The following KCNK10 variants were observed in gnomAD, a reference collection of about 807,000 sequenced individuals.
The protein encoded by KCNK10 is potassium two pore domain channel subfamily K member 10.
KCNK10 carries 25 observed loss-of-function variants against 47.7 expected under a neutral mutation model. The ratio of observed to expected loss-of-function variants is 0.52; its 90% CI spans 0.38 to 0.73. KCNK10 has a LOEUF of 0.73. Ranked by LOEUF, KCNK10 falls within the 30% of genes least tolerant of loss-of-function variation. The pLI, the probability that KCNK10 is intolerant of heterozygous loss-of-function variation, is 0.00. For missense variants in KCNK10, 563 were observed against 714.5 expected, an observed-to-expected ratio of 0.79 and a Z score of 2.42; for synonymous variants, 303 against 285.6, an observed-to-expected ratio of 1.06 and a Z score of -0.61.
Position 88,181,562 on chromosome 14 carries a change from A to C in KCNK10, c.*3973T>G, listed in dbSNP as rs1595064793. The stretch of plus-strand genomic sequence containing the variant: ...AACTAGTCTTAACACCATGCAAAAA[A>C]TGCCCTCACAGCATGAGCCCTCCCG... On this transcript the variant is annotated 3_prime_UTR_variant, in exon 7 of 7. Transcript: ENST00000319231. 1 of 152,240 alleles carries C rather than the reference A, an allele frequency of 6.6e-6. No homozygotes were observed. Among genetic ancestry groups the C allele is most frequent in the East Asian group, 1.9e-4 (1 of 5,328 alleles). The allele number at this position is 152,240 out of a possible 1,614,324, so 9.4% of individuals were successfully genotyped here. A position where few individuals can be genotyped will look rare whatever the true frequency, so the allele number is the denominator to read the frequency against.
chr14:88,211,992 A>T (rs1009446005), intron 4 of KCNK10, among the ~76,000 whole-genome samples: 33 of 151,860 alleles, frequency 2.2e-4, no homozygotes, highest in Admixed American at 2.0e-3. Flanking sequence ...ATGGAAATTG[A>T]TGCTAACTTG....
chr14:88,197,009 G>A (rs1337338207), intron 4 of KCNK10, among the ~76,000 whole-genome samples: 4 of 152,198 alleles, frequency 2.6e-5, no homozygotes, highest in African/African-American at 9.7e-5. Context: ...GCACACATCA[G>A]TGAGAATAGT....
intron 1 of KCNK10, among the ~76,000 whole-genome samples, chr14:88,298,875 C>T (rs533961105): frequency 6.6e-5 from 10 of 152,280 alleles, no homozygotes; most frequent in African/African-American, 1.2e-4. Flanking sequence ...CACCAAACAA[C>T]GGAGACTTGC....
intron 1 of KCNK10, among the ~76,000 whole-genome samples, chr14:88,313,405 G>A (rs550455496): frequency 1.8e-4 from 28 of 152,278 alleles, no homozygotes; most frequent in South Asian, 6.2e-4. Context: ...TGAAAAGAAC[G>A]TGGTGGTGGT....
At chr14:88,274,559 A>AAAAAAAAAAAAAAAAAAAAAAAT in intron 1 of KCNK10, among the ~76,000 whole-genome samples, 1 of 149,682 alleles carries the variant, frequency 6.7e-6, no homozygotes. Context: ...TAAAAAAAAA[A>AAAAAAAAAAAAAAAAAAAAAAAT]AAAAAAAGAT....
chr14:88,297,021 C>A (rs1177388451), intron 1 of KCNK10, among the ~76,000 whole-genome samples: 1 of 152,100 alleles, frequency 6.6e-6, no homozygotes, highest in Admixed American at 6.6e-5. Flanking sequence ...TTCAAAAATG[C>A]ATCTAAGAAT....
chr14:88,183,856 GAC>G lies in KCNK10; in HGVS notation c.*1677_*1678del, dbSNP rs1403201530. On this transcript the variant is annotated 3_prime_UTR_variant, in exon 7 of 7. Transcript: ENST00000319231. ...TTTCCCTGGAGGTCAGAAAGCATGA[GAC>G]AGTTTCTGGAAGTCTCCGCTAGTGC... is the stretch of plus-strand genomic sequence containing the variant. 6.6e-6 allele frequency: 1 copy of G among 152,358 alleles called. No individual in the cohort carries two copies. Among genetic ancestry groups the G allele is most frequent in the Admixed American group, 6.5e-5 (1 of 15,294 alleles). 9.4% of individuals were successfully genotyped at this position (152,358 alleles called of 1,614,324 possible).
intron 1 of KCNK10, among the ~76,000 whole-genome samples, chr14:88,280,121 T>A (rs930639150): frequency 7.9e-5 from 12 of 152,112 alleles, no homozygotes; most frequent in African/African-American, 2.7e-4. Context: ...CTGCATAAAA[T>A]CTACTGGTCT....
intron 1 of KCNK10, among the ~76,000 whole-genome samples, chr14:88,303,248 G>GT (rs1486799936): frequency 6.6e-6 from 1 of 152,148 alleles, no homozygotes; most frequent in Non-Finnish European, 1.5e-5. Context: ...CAGTGAGAAC[G>GT]TAACTCTCTT....
intron 1 of KCNK10, chr14:88,270,705 G>A: frequency 1.3e-6 from 1 of 780,966 alleles, no homozygotes; most frequent in Non-Finnish European, 2.4e-6. Flanking sequence ...GTGCTTTCCT[G>A]TCCCCTTAGT....
chr14:88,271,247 T>C (rs1366032419), intron 1 of KCNK10, among the ~76,000 whole-genome samples: 5 of 152,242 alleles, frequency 3.3e-5, no homozygotes, highest in Admixed American at 3.3e-4. Flanking sequence ...TGGTTACAGT[T>C]TGTTTCATTC....
intron 3 of KCNK10, among the ~76,000 whole-genome samples, chr14:88,234,323 T>A (rs375170105): frequency 7.2e-5 from 11 of 152,374 alleles, no homozygotes; most frequent in African/African-American, 2.4e-4. Flanking sequence ...TTTGCAAGTG[T>A]AAACCTAGCA....
intron 3 of KCNK10, among the ~76,000 whole-genome samples, chr14:88,232,738 GAAGTGGACT>G (rs1886190345): frequency 6.6e-6 from 1 of 152,246 alleles, no homozygotes. Flanking sequence ...CAATGATACT[GAAGTGGACT>G]TTGCATTTTA....
In KCNK10 at chr14:88,182,036, GCACACACACACACACACACA is replaced by G. The variant is rs372506756; in HGVS notation, c.*3479_*3498del. 0.023 allele frequency: 3,159 copies of G among 137,146 alleles called. 50 individuals carry two copies. The highest frequency in any genetic ancestry group is 0.042 in the African/African-American group (1,533 of 36,830). 8.5% of individuals were successfully genotyped at this position (137,146 alleles called of 1,614,324 possible). On this transcript the variant is annotated 3_prime_UTR_variant, in exon 7 of 7. Transcript: ENST00000319231. ...AGATGGCCCAACACCACCCCAACCC[GCACACACACACACACACACA>G]CACACACACACACACACACACACAC...
chr14:88,283,177 A>G (rs780077349), intron 1 of KCNK10, among the ~76,000 whole-genome samples: 1 of 152,214 alleles, frequency 6.6e-6, no homozygotes, highest in African/African-American at 2.4e-5. Context: ...CTTGATGTGG[A>G]AAAGGAAAAC....
intron 1 of KCNK10, among the ~76,000 whole-genome samples, chr14:88,304,350 T>C (rs1595130576): frequency 6.6e-6 from 1 of 152,174 alleles, no homozygotes; most frequent in Admixed American, 6.5e-5. Context: ...AAATACTGAA[T>C]TGAAGTAGAG....
chr14:88,217,061 G>A (rs1885645297), intron 4 of KCNK10, among the ~76,000 whole-genome samples: 1 of 152,236 alleles, frequency 6.6e-6, no homozygotes, highest in Admixed American at 6.5e-5. Context: ...GGAGGCTGAG[G>A]CAGGAGAGTC....
chr14:88,205,542 C>CTTTTTTTTTTTTTTTT (rs200265659), intron 4 of KCNK10, among the ~76,000 whole-genome samples: 27 of 115,776 alleles, frequency 2.3e-4, no homozygotes, highest in Non-Finnish European at 3.3e-4. Flanking sequence ...CTTTTCTTTT[C>CTTTTTTTTTTTTTTTT]TTTTTTTTTT....
chr14:88,238,562 C>T (rs1245693084), intron 3 of KCNK10, among the ~76,000 whole-genome samples: 1 of 152,130 alleles, frequency 6.6e-6, no homozygotes, highest in Non-Finnish European at 1.5e-5. Flanking sequence ...GTAGTCTGAG[C>T]TACTTAGGGG....
Sources: gnomAD v4.1 joint callset for allele counts (sites outside exome capture counted in the v4.1 genomes callset) on GRCh38, gnomAD v4.1.1 for gene constraint, MANE v1.5 for transcripts, NCBI Gene and HGNC (gene_info 2026-07-23, HGNC 2026-07-21) for gene names.